Variants in CFAP54 observed in about 807,000 individuals in gnomAD.
CFAP54 encodes the protein cilia- and flagella-associated protein 54.
Under a neutral mutation model 370.4 loss-of-function variants are expected in CFAP54, and 290 were observed. That is an observed-to-expected ratio of 0.78 (90% CI 0.71 to 0.86). The LOEUF (loss-of-function observed/expected upper bound fraction) is 0.86. CFAP54 is among the 40% of genes least tolerant of loss of function. The probability of loss-of-function intolerance (pLI) is 0.00; values close to 1 mark genes in which losing one functional copy is unlikely to be tolerated. For synonymous variants in CFAP54, 1,206 were observed against 1,236.5 expected (o/e 0.98, Z 0.52); for missense variants, 3,399 against 3,528.7 (o/e 0.96, Z 0.93).
At chr12:96,820,402 G>A (rs1415579744) in intron 65 of CFAP54, among the ~76,000 whole-genome samples, 1 of 152,042 alleles carries the variant, frequency 6.6e-6, no homozygotes, top group Non-Finnish European at 1.5e-5. Flanking sequence ...GGTACTTGTT[G>A]GCATTTTTAG....
At chr12:96,843,189 C>G (rs1277179852) in intron 66 of CFAP54, among the ~76,000 whole-genome samples, 2 of 152,152 alleles carry the variant, frequency 1.3e-5, no homozygotes, top group Admixed American at 1.3e-4. Context: ...AAAGAGCCTC[C>G]CATTCCTAGT....
intron 60 of CFAP54, among the ~76,000 whole-genome samples, chr12:96,774,505 T>A (rs1958495975): frequency 6.6e-6 from 1 of 152,256 alleles, no homozygotes; most frequent in African/African-American, 2.4e-5. Context: ...GATCTGTCCA[T>A]TCTGGTTTCA....
At chr12:96,542,240 T>C (rs1283153955) in intron 14 of CFAP54, among the ~76,000 whole-genome samples, 1 of 152,186 alleles carries the variant, frequency 6.6e-6, no homozygotes, top group East Asian at 1.9e-4. Context: ...TCTCAAATTT[T>C]GATTGTTATC....
chr12:96,641,521 G>A (rs1346819436), intron 32 of CFAP54, among the ~76,000 whole-genome samples: 1 of 151,984 alleles, frequency 6.6e-6, no homozygotes, highest in Non-Finnish European at 1.5e-5. Flanking sequence ...TCAGTGTGGC[G>A]ATTCCTCAGG....
At chr12:96,605,401 A>G (rs925707884) in intron 26 of CFAP54, among the ~76,000 whole-genome samples, 1 of 152,146 alleles carries the variant, frequency 6.6e-6, no homozygotes, top group African/African-American at 2.4e-5. Flanking sequence ...GTAAACAATA[A>G]TGTTAGGCCT....
intron 25 of CFAP54, among the ~76,000 whole-genome samples, chr12:96,595,756 T>G (rs1956171259): frequency 2.0e-5 from 3 of 152,130 alleles, no homozygotes; most frequent in Admixed American, 2.0e-4. Context: ...CTCTCAAGTG[T>G]GGAGTATGGT....
intron 8 of CFAP54, among the ~76,000 whole-genome samples, 193 bp from the exon 9 acceptor site, chr12:96,527,053 G>T (rs1332406343): frequency 6.6e-6 from 1 of 151,784 alleles, no homozygotes; most frequent in African/African-American, 2.4e-5. Context: ...ATTCCAACAT[G>T]CCTGGCCAAT....
At chr12:96,856,257 G>A (rs566859674) in intron 66 of CFAP54, among the ~76,000 whole-genome samples, 105 of 152,286 alleles carry the variant, frequency 6.9e-4, no homozygotes, top group African/African-American at 2.5e-3. Flanking sequence ...TTGCCCTGGA[G>A]CATAAATTGT....
At chr12:96,672,833 G>A (rs985263205) in intron 39 of CFAP54, among the ~76,000 whole-genome samples, 1 of 152,204 alleles carries the variant, frequency 6.6e-6, no homozygotes, top group African/African-American at 2.4e-5. Flanking sequence ...TTATCAAAAT[G>A]ATGACTAGCA....
intron 38 of CFAP54, among the ~76,000 whole-genome samples, chr12:96,661,902 C>G (rs976850479): frequency 2.0e-5 from 3 of 152,116 alleles, no homozygotes; most frequent in Non-Finnish European, 4.4e-5. Context: ...CTCAAACAAG[C>G]CTGTTCTGCT....
At chr12:96,546,382 C>CCCAAGATCCTGGCCATGTA (rs1234521603) in intron 14 of CFAP54, among the ~76,000 whole-genome samples, 29 of 152,128 alleles carry the variant, frequency 1.9e-4, no homozygotes, top group African/African-American at 6.5e-4. Flanking sequence ...ACACTTCCTT[C>CCCAAGATCCTGGCCATGTA]CCAAGATCCT....
At chr12:96,838,551 G>A (rs1007336821) in intron 66 of CFAP54, among the ~76,000 whole-genome samples, 21 of 151,638 alleles carry the variant, frequency 1.4e-4, no homozygotes, top group East Asian at 9.7e-4. Context: ...GAGAGAGAGA[G>A]AAAAAAAAGT....
At chr12:96,655,884 T>C (rs1021179261) in intron 36 of CFAP54, among the ~76,000 whole-genome samples, 9 of 152,112 alleles carry the variant, frequency 5.9e-5, no homozygotes, top group Admixed American at 5.9e-4. Context: ...TTTTTTTAGG[T>C]AGGATTATAG....
chr12:96,606,329 A>G (rs924057856), intron 26 of CFAP54, among the ~76,000 whole-genome samples: 2 of 152,216 alleles, frequency 1.3e-5, no homozygotes, highest in African/African-American at 4.8e-5. Flanking sequence ...AGGGCAGACC[A>G]TTCATGTGGA....
At chr12:96,653,725 T>C (rs1403691779) in intron 36 of CFAP54, among the ~76,000 whole-genome samples, 3 of 150,824 alleles carry the variant, frequency 2.0e-5, no homozygotes, top group African/African-American at 7.3e-5. Context: ...AAATCTAAAC[T>C]AAAGAGAAGA....
intron 1 of CFAP54, among the ~76,000 whole-genome samples, chr12:96,493,359 A>G (rs1954907911): frequency 6.6e-6 from 1 of 152,252 alleles, no homozygotes; most frequent in Non-Finnish European, 1.5e-5. Context: ...ATGCTATGAA[A>G]GTAACTGCTG....
rs551442852 is a variant in CFAP54 at position 96,723,694 on chromosome 12, ATACTTT to A, written c.6965+3130_6965+3135del. Among the ~76,000 whole-genome samples, 843 of 151,798 alleles carry A rather than the reference ATACTTT, an allele frequency of 5.6e-3. 3 individuals carry two copies. Among genetic ancestry groups the A allele is most frequent in the Non-Finnish European group, 9.2e-3 (627 of 67,928 alleles). The stretch of plus-strand genomic sequence containing the variant: ...TTTCTTTTTTTAAATTATTATTATT[ATACTTT>A]AAGTTTTAGGGTACATGTGCACAGT... On this transcript the variant is annotated intron_variant, in intron 50 of 67. Transcript: ENST00000524981.
chr12:96,567,418 C>A (rs1955874267), intron 19 of CFAP54, among the ~76,000 whole-genome samples: 1 of 152,032 alleles, frequency 6.6e-6, no homozygotes, highest in African/African-American at 2.4e-5. Context: ...TAGGGAAGAG[C>A]CTGGTTAAAT....
intron 50 of CFAP54, among the ~76,000 whole-genome samples, chr12:96,738,795 A>G (rs1328450901): frequency 1.3e-5 from 2 of 152,046 alleles, no homozygotes; most frequent in Admixed American, 1.3e-4. Context: ...TATTTTTAGT[A>G]GAGACTGGGT....
Sources: allele counts gnomAD v4.1 joint callset (sites outside exome capture counted in the v4.1 genomes callset), GRCh38; gene constraint gnomAD v4.1.1; transcripts MANE v1.5; gene names NCBI Gene and HGNC (gene_info 2026-07-23, HGNC 2026-07-21).